PSTK: variants seen among roughly 807,000 people sequenced by gnomAD.
PSTK encodes phosphoseryl-tRNA kinase.
PSTK carries 26 observed loss-of-function variants against 38.6 expected under a neutral mutation model. That is an observed-to-expected ratio of 0.67 (90% CI 0.49 to 0.94). The LOEUF (loss-of-function observed/expected upper bound fraction) is 0.94, where lower values mean the gene tolerates loss of function less well. Ranked by LOEUF, PSTK falls within the 40% of genes least tolerant of loss-of-function variation. The pLI, the probability that PSTK is intolerant of heterozygous loss-of-function variation, is 0.00. For missense variants in PSTK, 445 were observed against 436.3 expected, an observed-to-expected ratio of 1.02 and a Z score of -0.18; for synonymous variants, 181 against 161.7, an observed-to-expected ratio of 1.12 and a Z score of -0.91.
chr10:122,984,127 G>C (rs7091706), intron 3 of PSTK: 1 of 152,550 alleles, frequency 6.6e-6, no homozygotes, highest in Non-Finnish European at 1.5e-5. Flanking sequence ...CTATTTATTG[G>C]ACAGCGCAGT....
chr10:122,981,087 A>T (rs1277505521), intron 1 of PSTK, among the ~76,000 whole-genome samples: 8 of 152,220 alleles, frequency 5.3e-5, no homozygotes, highest in Admixed American at 5.2e-4. Context: ...TAGGAGAGGG[A>T]AAGAAGTTCT....
In PSTK at chr10:122,980,560, C is replaced by A. The variant is rs1282939277; in HGVS notation, c.81C>A (p.Pro27=). ...GCCTCTGCGTCCTCTGTGGCCTCCC[C>A]GCGGCAGGAAAATCGACTTTCGCGC... The part of the protein sequence containing the change: ...KRGLCVLCGL[P]AAGKSTFARA... The change falls in exon 1 of 6, where the codon CCC becomes CCA. Residue 27 remains proline, a synonymous_variant. Coordinates refer to ENST00000406217, the MANE Select transcript of PSTK (RefSeq NM_001363531.2). The surrounding 1 kb of genome is among the most constrained non-coding windows in gnomAD (Gnocchi z 4.3). 6.2e-7 allele frequency: 1 copy of A among 1,611,952 alleles called. No homozygotes were observed. Among genetic ancestry groups the A allele is most frequent in the East Asian group, 2.2e-5 (1 of 44,844 alleles).
At chr10:122,981,115 C>A (rs1361676743) in intron 1 of PSTK, among the ~76,000 whole-genome samples, 1 of 152,126 alleles carries the variant, frequency 6.6e-6, no homozygotes, top group Non-Finnish European at 1.5e-5. Context: ...GAACGTCTAG[C>A]TACGGGTGGA....
rs774955101 is a variant in PSTK at position 122,986,867 on chromosome 10, A to G, written c.784-2A>G. ...CTAATAACAATGTCTGTATTAACATAGGACACAGACAGAATTATTTGTTCA... is the reference window on the plus strand; with the variant it reads ...CTAATAACAATGTCTGTATTAACATGGGACACAGACAGAATTATTTGTTCA... On this transcript the variant is annotated splice_acceptor_variant, in intron 4 of 5. Coordinates refer to ENST00000406217, the MANE Select transcript of PSTK (RefSeq NM_001363531.2). LOFTEE classifies it high-confidence loss of function. The G allele has an allele frequency of 6.4e-7, 1 of 1,560,288 alleles. No individual in the cohort carries two copies. Among genetic ancestry groups the G allele is most frequent in the Non-Finnish European group, 8.8e-7 (1 of 1,131,730 alleles).
intron 5 of PSTK, chr10:122,987,223 T>C (rs1849047089): frequency 7.1e-7 from 1 of 1,409,670 alleles, no homozygotes; most frequent in Non-Finnish European, 9.6e-7. Flanking sequence ...GAGCAGAACA[T>C]TCTAATGAGG....
intron 1 of PSTK, chr10:122,982,182 T>A (rs1848967811): frequency 6.6e-6 from 1 of 152,466 alleles, no homozygotes; most frequent in Non-Finnish European, 1.5e-5. Flanking sequence ...ACCCAGAGAC[T>A]TTTCACCTGA....
Position 122,986,656 on chromosome 10 carries a change from A to G in PSTK, c.784-213A>G, listed in dbSNP as rs74905879. Among the ~76,000 whole-genome samples, 414 of 152,290 alleles carry G rather than the reference A, an allele frequency of 2.7e-3. 2 individuals carry two copies. The highest frequency in any genetic ancestry group is 9.4e-3 in the African/African-American group (391 of 41,568). On this transcript the variant is annotated intron_variant, in intron 4 of 5. Transcript: ENST00000406217. The stretch of plus-strand genomic sequence containing the variant: ...TCTGGGGTTTTTTTCTGGGAGAGTC[A>G]ATTATTAGACATTCACCAGCATATC...
chr10:122,987,524 A>C, intron 5 of PSTK: 1 of 1,611,410 alleles, frequency 6.2e-7, no homozygotes, highest in Non-Finnish European at 8.5e-7. Context: ...GGGGAAAGGT[A>C]GTCAGGGGCC....
Position 122,980,494 on chromosome 10 carries a change from G to A in PSTK, c.15G>A (p.Glu5=). The change falls in exon 1 of 6, where the codon GAG becomes GAA. Residue 5 remains glutamate, a synonymous_variant. Transcript: ENST00000406217. This position sits in a 1 kb window ranked among gnomAD's most constrained non-coding sequence, Gnocchi z 4.3. MKTA[E]NIRGTGSDGP... is the part of the protein sequence containing the mutation. ...CCCCGGGCAGCATGAAGACCGCCGA[G>A]AACATCAGAGGAACCGGCAGCGACG... 6.2e-7 allele frequency: 1 copy of A among 1,604,956 alleles called. No homozygotes were observed. The highest frequency in any genetic ancestry group is 8.5e-7 in the Non-Finnish European group (1 of 1,178,188).
chr10:122,980,744 G>GCGGGA lies in PSTK; in HGVS notation c.216+53_216+54insACGGG. On this transcript the variant is annotated intron_variant, in intron 1 of 5. Coordinates refer to ENST00000406217, the MANE Select transcript of PSTK (RefSeq NM_001363531.2). This position sits in a 1 kb window ranked among gnomAD's most constrained non-coding sequence, Gnocchi z 4.3. ...GGGCCGCGGGGCGGGGCGGGGCGGG[G>GCGGGA]CGGGGCGGGGCGGGGACACTCGCGT... The GCGGGA allele has an allele frequency of 7.7e-7, 1 of 1,293,124 alleles. No individual in the cohort carries two copies. The highest frequency in any genetic ancestry group is 2.2e-5 in the South Asian group (1 of 45,304). The allele number at this position is 1,293,124 out of a possible 1,614,324, so 80.1% of individuals were successfully genotyped here.
chr10:122,980,704 G>A lies in PSTK; in HGVS notation c.216+9G>A, dbSNP rs1351465892. 6.6e-7 allele frequency: 1 copy of A among 1,521,854 alleles called. No individual in the cohort carries two copies. The highest frequency in any genetic ancestry group is 8.8e-7 in the Non-Finnish European group (1 of 1,137,176). The allele number at this position is 1,521,854 out of a possible 1,614,324, so 94.3% of individuals were successfully genotyped here. On this transcript the variant is annotated intron_variant, in intron 1 of 5. Coordinates refer to ENST00000406217, the MANE Select transcript of PSTK (RefSeq NM_001363531.2). This position sits in a 1 kb window ranked among gnomAD's most constrained non-coding sequence, Gnocchi z 4.3. ...CAAGAGCGCGACCGGCGGTCAGCAC[G>A]GAGGGGCGGGGCCTGGGCCGCGGGG...
chr10:122,981,890 G>A (rs1398537945), intron 1 of PSTK: 2 of 152,214 alleles, frequency 1.3e-5, no homozygotes, highest in African/African-American at 2.4e-5. Context: ...CACTTAGGAA[G>A]TGATATGTGT....
At chr10:122,989,814 T>C (rs1449000069) in intron 5 of PSTK, among the ~76,000 whole-genome samples, 1 of 152,252 alleles carries the variant, frequency 6.6e-6, no homozygotes, top group Non-Finnish European at 1.5e-5. Context: ...GTTCTAGATA[T>C]TATTTATCAG....
At chr10:122,988,810 C>T (rs963449715) in intron 5 of PSTK, among the ~76,000 whole-genome samples, 2 of 152,118 alleles carry the variant, frequency 1.3e-5, no homozygotes, top group East Asian at 1.9e-4. Context: ...TCAAACATAC[C>T]GTTAGCACAT....
At position 122,990,246 on chromosome 10, in the gene PSTK, A is replaced by G. The variant is rs1444005838; in HGVS notation, c.950A>G (p.Glu317Gly). 1 of 1,542,756 alleles carries G rather than the reference A, an allele frequency of 6.5e-7. No homozygotes were observed. Among genetic ancestry groups the G allele is most frequent in the Non-Finnish European group, 8.7e-7 (1 of 1,144,644 alleles). Residue 317 changes from glutamate to glycine, a missense_variant, in exon 6 of 6, where the codon GAA becomes GGA. Coordinates refer to ENST00000406217, the MANE Select transcript of PSTK (RefSeq NM_001363531.2). ...ELNKLKAEFL[E>G]DLKQGNKKYL... ...AACAAGCTCAAAGCAGAGTTTTTGGAAGACCTAAAACAAGGAAACAAAAAA... is the reference window on the plus strand; with the variant it reads ...AACAAGCTCAAAGCAGAGTTTTTGGGAGACCTAAAACAAGGAAACAAAAAA...
intron 5 of PSTK, among the ~76,000 whole-genome samples, chr10:122,989,586 G>T (rs1589710644): frequency 5.3e-5 from 8 of 152,220 alleles, no homozygotes; most frequent in Admixed American, 5.2e-4. Context: ...AAAATTAACT[G>T]GTGATGGTTG....
chr10:122,983,259 A>G lies in PSTK; in HGVS notation c.509-13A>G. ...AGTATACCAGTAATTCTATCATTTTAAACTGTTTTCAGATTCGTTGGGCTT... is the reference window on the plus strand; with the variant it reads ...AGTATACCAGTAATTCTATCATTTTGAACTGTTTTCAGATTCGTTGGGCTT... On this transcript the variant is annotated splice_polypyrimidine_tract_variant and intron_variant, in intron 2 of 5. Coordinates refer to ENST00000406217, the MANE Select transcript of PSTK (RefSeq NM_001363531.2). 6.3e-7 allele frequency: 1 copy of G among 1,589,346 alleles called. No homozygotes were observed. The highest frequency in any genetic ancestry group is 1.4e-5 in the African/African-American group (1 of 73,736).
intron 5 of PSTK, among the ~76,000 whole-genome samples, chr10:122,988,262 C>A (rs1431572578): frequency 1.3e-5 from 2 of 152,090 alleles, no homozygotes; most frequent in Non-Finnish European, 2.9e-5. Context: ...TCTCACTCAA[C>A]CATTTGCCTT....
intron 1 of PSTK, among the ~76,000 whole-genome samples, chr10:122,981,469 T>C (rs1007927404): frequency 1.3e-5 from 2 of 152,100 alleles, no homozygotes; most frequent in African/African-American, 4.8e-5. Context: ...GGGGGAAGAG[T>C]AGATTACATT....
Sources: gnomAD v4.1 joint callset for allele counts (sites outside exome capture counted in the v4.1 genomes callset) on GRCh38, gnomAD v4.1.1 for gene constraint, Gnocchi (gnomAD v3.1) non-coding constraint, MANE v1.5 for transcripts, NCBI Gene and HGNC (gene_info 2026-07-23, HGNC 2026-07-21) for gene names.